Variants in PJA2 observed in about 807,000 individuals in gnomAD.
PJA2 encodes praja ring finger ubiquitin ligase 2.
A neutral mutation model predicts 69.3 loss-of-function variants in PJA2; 25 were observed. The observed-to-expected ratio is 0.36, with a 90% CI of 0.26 to 0.50. The LOEUF is 0.50. Ranked by LOEUF, PJA2 falls within the 20% of genes least tolerant of loss-of-function variation. The pLI is 0.96. For synonymous variants in PJA2, 308 were observed against 277.8 expected (o/e 1.11, Z -1.08); for missense variants, 809 against 830.2 (o/e 0.97, Z 0.31).
intron 6 of PJA2, among the ~76,000 whole-genome samples, chr5:109,361,625 G>C (rs1762507672): frequency 6.6e-6 from 1 of 152,204 alleles, no homozygotes; most frequent in Admixed American, 6.5e-5. Flanking sequence ...CACAGAAACG[G>C]AGGAAAAGAG....
chr5:109,355,372 C>T (rs1367335850), intron 7 of PJA2, among the ~76,000 whole-genome samples: 1 of 152,116 alleles, frequency 6.6e-6, no homozygotes, highest in East Asian at 1.9e-4. Flanking sequence ...TGAACTTAGG[C>T]AAATACATTT....
At chr5:109,380,571 G>A (rs1447210034) in intron 3 of PJA2, among the ~76,000 whole-genome samples, 2 of 152,090 alleles carry the variant, frequency 1.3e-5, no homozygotes, top group Non-Finnish European at 1.5e-5. Flanking sequence ...ACTTTGGGAG[G>A]CTGAGTTGGA....
rs1747045725 is a variant in PJA2, at chr5:109,381,422, T to C, written c.232+81A>G. ...CTGCATTTACACTCACAGACATGCA[T>C]AATACCCACCCAAAAATTTAATTAT... is the stretch of plus-strand genomic sequence containing the variant. On this transcript the variant is annotated intron_variant, in intron 3 of 9. Transcript: ENST00000361189. The C allele has an allele frequency of 6.9e-6, 8 of 1,160,364 alleles. 1 individual carries two copies. Among genetic ancestry groups the C allele is most frequent in the Non-Finnish European group, 9.9e-6 (8 of 809,090 alleles). 71.9% of individuals were successfully genotyped at this position (1,160,364 alleles called of 1,614,324 possible).
intron 1 of PJA2, among the ~76,000 whole-genome samples, chr5:109,397,691 GT>G (rs201001259): frequency 8.8e-5 from 13 of 148,216 alleles, no homozygotes; most frequent in Admixed American, 2.7e-4. Flanking sequence ...GATATTTTTT[GT>G]TTTTTTTTTC....
At chr5:109,401,957 G>C (rs1425444713) in intron 1 of PJA2, among the ~76,000 whole-genome samples, 1 of 152,136 alleles carries the variant, frequency 6.6e-6, no homozygotes, top group Non-Finnish European at 1.5e-5. Context: ...TAGCACAAAA[G>C]ATAAGGAGAA....
chr5:109,401,726 A>C (rs1421544560), intron 1 of PJA2, among the ~76,000 whole-genome samples: 1 of 152,240 alleles, frequency 6.6e-6, no homozygotes, highest in African/African-American at 2.4e-5. Flanking sequence ...ATTGAAGTCC[A>C]AGAAATGTGA....
At chr5:109,355,045 GC>G (rs1464780723) in intron 7 of PJA2, among the ~76,000 whole-genome samples, 5 of 152,096 alleles carry the variant, frequency 3.3e-5, no homozygotes, top group African/African-American at 1.2e-4. Flanking sequence ...GATTGCTTGA[GC>G]CCAGGAGTTC....
rs1422857495 is a variant in PJA2, at chr5:109,336,499, C to A, written c.*732G>T. The A allele has an allele frequency of 1.3e-5, 2 of 152,014 alleles. No homozygotes were observed. The highest frequency in any genetic ancestry group is 6.6e-5 in the Admixed American group (1 of 15,254). The allele number at this position is 152,014 out of a possible 1,614,324, so 9.4% of individuals were successfully genotyped here. A position where few individuals can be genotyped will look rare whatever the true frequency, so the allele number is the denominator to read the frequency against. On this transcript the variant is annotated 3_prime_UTR_variant, in exon 10 of 10. Coordinates refer to ENST00000361189, the MANE Select transcript of PJA2 (RefSeq NM_014819.5). ...AGAGGTTAGAAAGAGTTTCATAAGG[C>A]CATCTAATTCAGCTCATTGTACCAA...
intron 1 of PJA2, among the ~76,000 whole-genome samples, chr5:109,399,136 G>T (rs1435983201): frequency 6.6e-6 from 1 of 151,346 alleles, no homozygotes; most frequent in Admixed American, 6.6e-5. Context: ...GCTTTAACCT[G>T]CGTGGCAGAG....
chr5:109,337,118 T>A lies in PJA2; in HGVS notation c.*113A>T. The A allele has an allele frequency of 1.0e-6, 1 of 976,632 alleles. No homozygotes were observed. The highest frequency in any genetic ancestry group is 1.4e-6 in the Non-Finnish European group (1 of 723,710). 60.5% of individuals were successfully genotyped at this position (976,632 alleles called of 1,614,324 possible). A position where few individuals can be genotyped will look rare whatever the true frequency, so the allele number is the denominator to read the frequency against. ...TTAATATTCTTTCTAAACTATGGCA[T>A]ATACTATATATAGCATTTTTAAATA... On this transcript the variant is annotated 3_prime_UTR_variant, in exon 10 of 10. Coordinates refer to ENST00000361189, the MANE Select transcript of PJA2 (RefSeq NM_014819.5).
At chr5:109,401,037 A>G (rs557260670) in intron 1 of PJA2, among the ~76,000 whole-genome samples, 2 of 152,222 alleles carry the variant, frequency 1.3e-5, no homozygotes, top group African/African-American at 4.8e-5. Flanking sequence ...CATGCCTGTA[A>G]TCCCAGCACT....
At chr5:109,372,130 C>A (rs1403161484) in intron 4 of PJA2, among the ~76,000 whole-genome samples, 2 of 152,072 alleles carry the variant, frequency 1.3e-5, no homozygotes, top group Non-Finnish European at 1.5e-5. Flanking sequence ...TCTTAATTTC[C>A]ATTAACATAA....
At chr5:109,409,532 CA>C (rs990069646) in intron 1 of PJA2, among the ~76,000 whole-genome samples, 16 of 152,042 alleles carry the variant, frequency 1.1e-4, no homozygotes, top group Non-Finnish European at 4.4e-5. Flanking sequence ...GAAGAGGCAG[CA>C]GTAAAGAGCG....
intron 4 of PJA2, among the ~76,000 whole-genome samples, chr5:109,371,338 T>C (rs544582375): frequency 3.9e-5 from 6 of 152,316 alleles, no homozygotes; most frequent in Non-Finnish European, 8.8e-5. Flanking sequence ...AATTCTATTA[T>C]AAAATTAATC....
At chr5:109,351,331 A>G (rs964038569) in intron 7 of PJA2, among the ~76,000 whole-genome samples, 1 of 152,278 alleles carries the variant, frequency 6.6e-6, no homozygotes, top group Admixed American at 6.5e-5. Context: ...CCGGTAATAA[A>G]TAAAATTCAC....
At chr5:109,387,405 GATTA>G (rs1307246355) in intron 1 of PJA2, among the ~76,000 whole-genome samples, 1 of 152,130 alleles carries the variant, frequency 6.6e-6, no homozygotes, top group Admixed American at 6.6e-5. Context: ...AGATTAAAAT[GATTA>G]ATCAGTCCAA....
chr5:109,357,823 G>A (rs1289266516), intron 6 of PJA2, among the ~76,000 whole-genome samples: 1 of 152,174 alleles, frequency 6.6e-6, no homozygotes, highest in Non-Finnish European at 1.5e-5. Flanking sequence ...CATAAATTGT[G>A]TCTTCCTTCT....
At chr5:109,368,834 T>C in intron 4 of PJA2, 88 bp from the exon 5 acceptor site, 2 of 1,338,592 alleles carry the variant, frequency 1.5e-6, no homozygotes, top group South Asian at 1.5e-5. Context: ...GGTTTGGATC[T>C]GTGTCCCCAC....
chr5:109,337,395 C>A, intron 9 of PJA2, 39 bp from the exon 10 acceptor site: 1 of 1,541,602 alleles, frequency 6.5e-7, no homozygotes. Flanking sequence ...CCAGAATCAT[C>A]TTAACTGCCA....
Sources: allele counts gnomAD v4.1 joint callset (sites outside exome capture counted in the v4.1 genomes callset), GRCh38; gene constraint gnomAD v4.1.1; transcripts MANE v1.5; gene names NCBI Gene and HGNC (gene_info 2026-07-23, HGNC 2026-07-21).